The following CALCOCO2 variants were observed in gnomAD, a reference collection of about 807,000 sequenced individuals.
CALCOCO2 encodes the protein calcium-binding and coiled-coil domain-containing protein 2.
In CALCOCO2, 42 loss-of-function variants were observed where a neutral mutation model predicts 62.5. The ratio of observed to expected loss-of-function variants is 0.67; its 90% CI spans 0.53 to 0.87. The LOEUF (loss-of-function observed/expected upper bound fraction) is 0.87, where lower values mean the gene tolerates loss of function less well. CALCOCO2 is among the 40% of genes least tolerant of loss of function. CALCOCO2 has a pLI of 0.00. For synonymous variants in CALCOCO2, 167 were observed against 173.0 expected, an observed-to-expected ratio of 0.97 and a Z score of 0.27; for missense variants, 456 against 515.0, an observed-to-expected ratio of 0.89 and a Z score of 1.11.
At chr17:48,850,178 A>T (rs1324955546) in intron 5 of CALCOCO2, among the ~76,000 whole-genome samples, 2 of 152,172 alleles carry the variant, frequency 1.3e-5, no homozygotes, top group Non-Finnish European at 2.9e-5. Context: ...AGGCACCTGT[A>T]ATCCAAGCTA....
rs200836727 is a variant in CALCOCO2 at position 48,842,154 on chromosome 17, CT to C, written c.180+286del. 1,332 of 136,522 alleles carry C rather than the reference CT, an allele frequency of 9.8e-3. 14 individuals are homozygous for C. Among genetic ancestry groups the C allele is most frequent in the African/African-American group, 0.035 (1,190 of 34,344 alleles). The allele number at this position is 136,522 out of a possible 1,614,324, so 8.5% of individuals were successfully genotyped here. On this transcript the variant is annotated intron_variant, in intron 2 of 12. Coordinates refer to ENST00000258947, the MANE Select transcript of CALCOCO2 (RefSeq NM_005831.5). Reference sequence around the variant, plus strand: ...GCTTTTTTTTTTGCTTTTTTCTTTTCTTTTTTTTTTTTTTTTTTTGAAATAG... The same window carrying C: ...GCTTTTTTTTTTGCTTTTTTCTTTTCTTTTTTTTTTTTTTTTTTGAAATAG...
chr17:48,842,991 C>T (rs1335566214), intron 2 of CALCOCO2, among the ~76,000 whole-genome samples: 1 of 152,156 alleles, frequency 6.6e-6, no homozygotes, highest in Non-Finnish European at 1.5e-5. Flanking sequence ...TGAGACTAAA[C>T]ATTACTTCCT....
chr17:48,865,059 C>T lies in CALCOCO2; in HGVS notation c.*2054C>T, dbSNP rs1297187705. The T allele has an allele frequency of 6.6e-6, 1 of 152,134 alleles. No homozygotes were observed. The highest frequency in any genetic ancestry group is 1.5e-5 in the Non-Finnish European group (1 of 68,046). 9.4% of individuals were successfully genotyped at this position (152,134 alleles called of 1,614,324 possible). On this transcript the variant is annotated 3_prime_UTR_variant, in exon 13 of 13. Transcript: ENST00000258947. ...TTGCCCCTGCTACCCCGAGGGTTAC[C>T]ATGATTGTCAACAGCAGCAGGAGCC...
At chr17:48,844,190 C>T (rs2040015116) in intron 2 of CALCOCO2, among the ~76,000 whole-genome samples, 1 of 151,964 alleles carries the variant, frequency 6.6e-6, no homozygotes, top group African/African-American at 2.4e-5. Flanking sequence ...GCCTGAGTAA[C>T]TGGATTTTAA....
chr17:48,848,775 G>A (rs760526193), intron 4 of CALCOCO2: 2 of 518,780 alleles, frequency 3.9e-6, no homozygotes, highest in South Asian at 3.1e-5. Context: ...GAGGAGAGAA[G>A]CACCAAATAT....
At chr17:48,857,976 A>AT (rs1375979731) in intron 10 of CALCOCO2, among the ~76,000 whole-genome samples, 1 of 17,150 alleles carries the variant, frequency 5.8e-5, no homozygotes, top group Non-Finnish European at 1.4e-4. Context: ...GACTACATCA[A>AT]TAGAATAGAA....
At chr17:48,845,241 G>A (rs903197405) in intron 2 of CALCOCO2, among the ~76,000 whole-genome samples, 1 of 152,040 alleles carries the variant, frequency 6.6e-6, no homozygotes, top group Non-Finnish European at 1.5e-5. Context: ...CTGAAGAAGG[G>A]CTTCTAATGT....
At chr17:48,851,205 G>A (rs2040125234) in intron 6 of CALCOCO2, 28 bp downstream of exon 6, 1 of 1,305,346 alleles carries the variant, frequency 7.7e-7, no homozygotes, top group Non-Finnish European at 1.1e-6. Flanking sequence ...TTCTGGGAGG[G>A]GAAGAGCTGC....
chr17:48,857,994 G>C (rs1034484101), intron 10 of CALCOCO2, among the ~76,000 whole-genome samples: 19 of 19,214 alleles, frequency 9.9e-4, no homozygotes, highest in African/African-American at 2.3e-3. Flanking sequence ...GAATAGAATA[G>C]AATAGAATAG....
chr17:48,861,276 C>T lies in CALCOCO2; in HGVS notation c.1144+827C>T, dbSNP rs71377401. On this transcript the variant is annotated intron_variant, in intron 11 of 12. Coordinates refer to ENST00000258947, the MANE Select transcript of CALCOCO2 (RefSeq NM_005831.5). ...GCAACCTCCGTCTCCTGGGCTCAAC[C>T]GATCCTCTCACCTCAGTGCAACCTC... Among the ~76,000 whole-genome samples the T allele has an allele frequency of 4.1e-3, 628 of 152,036 alleles. 2 individuals carry two copies. Among genetic ancestry groups the T allele is most frequent in the African/African-American group, 0.014 (584 of 41,444 alleles).
intron 11 of CALCOCO2, among the ~76,000 whole-genome samples, chr17:48,861,767 G>T (rs913619142): frequency 1.3e-5 from 2 of 149,924 alleles, no homozygotes; most frequent in Non-Finnish European, 3.0e-5. Flanking sequence ...ACAATTTCAG[G>T]CTGGGTGTCG....
intron 7 of CALCOCO2, 168 bp from the exon 8 acceptor site, chr17:48,852,338 C>T: frequency 1.7e-6 from 1 of 575,706 alleles, no homozygotes; most frequent in Non-Finnish European, 3.1e-6. Context: ...TTTTAGGAAG[C>T]TATGCCTTAA....
At chr17:48,855,599 A>G (rs1567757779) in intron 9 of CALCOCO2, among the ~76,000 whole-genome samples, 1 of 152,146 alleles carries the variant, frequency 6.6e-6, no homozygotes, top group Non-Finnish European at 1.5e-5. Flanking sequence ...ATCCTTGGAC[A>G]AATGCCTTCC....
chr17:48,857,979 GA>G (rs1002092280), intron 10 of CALCOCO2, among the ~76,000 whole-genome samples: 5 of 18,784 alleles, frequency 2.7e-4, no homozygotes, highest in Admixed American at 2.3e-3. Flanking sequence ...TACATCAATA[GA>G]ATAGAATAGA....
At chr17:48,850,806 A>C (rs188162846) in intron 5 of CALCOCO2, among the ~76,000 whole-genome samples, 1 of 151,254 alleles carries the variant, frequency 6.6e-6, no homozygotes, top group African/African-American at 2.4e-5. Context: ...TAATCCCAGC[A>C]CTTTGGGAGG....
intron 11 of CALCOCO2, among the ~76,000 whole-genome samples, chr17:48,861,515 A>C (rs917424575): frequency 6.6e-6 from 1 of 151,818 alleles, no homozygotes; most frequent in East Asian, 1.9e-4. Flanking sequence ...CTGACTGTGG[A>C]TACAGTCTTA....
intron 10 of CALCOCO2, chr17:48,856,657 A>G (rs1263743597): frequency 2.2e-6 from 1 of 453,660 alleles, no homozygotes. Context: ...TCATTCATTC[A>G]TTCATTCATT....
At chr17:48,848,574 G>C (rs1254236217) in intron 4 of CALCOCO2, 119 bp downstream of exon 4, 3 of 893,050 alleles carry the variant, frequency 3.4e-6, no homozygotes, top group Non-Finnish European at 5.5e-6. Context: ...TGGAAAAAAT[G>C]TATGTAGTAC....
intron 1 of CALCOCO2, among the ~76,000 whole-genome samples, chr17:48,838,467 C>T (rs1037474883): frequency 1.3e-5 from 2 of 151,990 alleles, no homozygotes; most frequent in African/African-American, 2.4e-5. Context: ...GTAATCCTAG[C>T]ACTTTGGGAG....
Sources: allele counts gnomAD v4.1 joint callset (sites outside exome capture counted in the v4.1 genomes callset), GRCh38; gene constraint gnomAD v4.1.1; transcripts MANE v1.5; gene names NCBI Gene and HGNC (gene_info 2026-07-23, HGNC 2026-07-21).